Variants in OTULIN observed in about 807,000 individuals in gnomAD.
The protein encoded by OTULIN is ubiquitin thioesterase otulin.
A neutral mutation model predicts 39.6 loss-of-function variants in OTULIN; 15 were observed. The observed-to-expected ratio is 0.38, with a 90% CI of 0.25 to 0.58. The LOEUF is 0.58. Ranked by LOEUF, OTULIN falls within the 20% of genes least tolerant of loss-of-function variation. The pLI, the probability that OTULIN is intolerant of heterozygous loss-of-function variation, is 0.66. For synonymous variants in OTULIN, 156 were observed against 170.3 expected, an observed-to-expected ratio of 0.92 and a Z score of 0.65; for missense variants, 319 against 445.9, an observed-to-expected ratio of 0.72 and a Z score of 2.56.
chr5:14,684,080 T>A (rs1475325873), intron 4 of OTULIN, among the ~76,000 whole-genome samples: 1 of 152,236 alleles, frequency 6.6e-6, no homozygotes, highest in Non-Finnish European at 1.5e-5. Context: ...TCTTTCCTTT[T>A]CTATGTGTAT....
rs1736701323 is a variant in OTULIN at position 14,697,514 on chromosome 5, A to G, written c.*4466A>G. Reference sequence around the variant, plus strand: ...TTTTTTTCAGGTTATATTGAAATCTACTACCAGGAATGTCGGAATGGGTTT... The same window carrying G: ...TTTTTTTCAGGTTATATTGAAATCTGCTACCAGGAATGTCGGAATGGGTTT... On this transcript the variant is annotated 3_prime_UTR_variant, in exon 7 of 7. Transcript: ENST00000284274. 6.6e-6 allele frequency: 1 copy of G among 152,132 alleles called. No individual in the cohort carries two copies. Among genetic ancestry groups the G allele is most frequent in the South Asian group, 2.1e-4 (1 of 4,824 alleles). The allele number at this position is 152,132 out of a possible 1,614,324, so 9.4% of individuals were successfully genotyped here. A position where few individuals can be genotyped will look rare whatever the true frequency, so the allele number is the denominator to read the frequency against.
At position 14,696,732 on chromosome 5, in the gene OTULIN, T is replaced by G. The variant is rs1468148808; in HGVS notation, c.*3684T>G. On this transcript the variant is annotated 3_prime_UTR_variant, in exon 7 of 7. Coordinates refer to ENST00000284274, the MANE Select transcript of OTULIN (RefSeq NM_138348.6). Reference sequence around the variant, plus strand: ...GTGTATACAGTTTACAAATTCCTATTTCTAAAATTTAAGTCCCTTATTTAA... The same window carrying G: ...GTGTATACAGTTTACAAATTCCTATGTCTAAAATTTAAGTCCCTTATTTAA... The G allele has an allele frequency of 6.6e-6, 1 of 151,716 alleles. No homozygotes were observed. The highest frequency in any genetic ancestry group is 1.5e-5 in the Non-Finnish European group (1 of 68,026). The allele number at this position is 151,716 out of a possible 1,614,324, so 9.4% of individuals were successfully genotyped here. A position where few individuals can be genotyped will look rare whatever the true frequency, so the allele number is the denominator to read the frequency against.
downstream of OTULIN, among the ~76,000 whole-genome samples, chr5:14,702,634 G>A (rs527518816): frequency 1.3e-5 from 2 of 152,300 alleles, no homozygotes; most frequent in South Asian, 2.1e-4. Flanking sequence ...CAGACCACAC[G>A]TGAATTGCAA....
At chr5:14,701,416 G>A (rs989692221), downstream of OTULIN, among the ~76,000 whole-genome samples, 2 of 152,084 alleles carry the variant, frequency 1.3e-5, no homozygotes, top group African/African-American at 4.8e-5. Context: ...TGGACCCCCT[G>A]CCCTGTCAAA....
chr5:14,715,155 G>A, the OTULIN span, among the ~76,000 whole-genome samples: 3,728 of 152,182 alleles, frequency 0.024, 136 homozygotes, highest in African/African-American at 0.085. Flanking sequence ...TTTTGAGACG[G>A]AGTTTCACTC....
At chr5:14,680,856 C>G (rs1452386300) in intron 3 of OTULIN, among the ~76,000 whole-genome samples, 1 of 152,124 alleles carries the variant, frequency 6.6e-6, no homozygotes, top group East Asian at 1.9e-4. Context: ...GTCAGGAGTT[C>G]AAGACCAGCC....
At chr5:14,711,310 T>C in the OTULIN span, 1 of 1,613,376 alleles carries the variant, frequency 6.2e-7, no homozygotes, top group Non-Finnish European at 8.5e-7. Context: ...ATCTTCTTTT[T>C]CTAGACCAAA....
rs1206548903 is a variant in OTULIN, at chr5:14,696,281, G to T, written c.*3233G>T. The T allele has an allele frequency of 2.0e-5, 3 of 152,186 alleles. No homozygotes were observed. In the East Asian group the frequency reaches 5.8e-4, roughly 29 times the overall value. 9.4% of individuals were successfully genotyped at this position (152,186 alleles called of 1,614,324 possible). Reference sequence around the variant, plus strand: ...TACATAGGACTTACATAGACTTCCTGAATGTGTCTTCTTCAGATACTAAAG... The same window carrying T: ...TACATAGGACTTACATAGACTTCCTTAATGTGTCTTCTTCAGATACTAAAG... On this transcript the variant is annotated 3_prime_UTR_variant, in exon 7 of 7. Coordinates refer to ENST00000284274, the MANE Select transcript of OTULIN (RefSeq NM_138348.6).
At chr5:14,702,271 G>A (rs1322427277), downstream of OTULIN, among the ~76,000 whole-genome samples, 1 of 152,176 alleles carries the variant, frequency 6.6e-6, no homozygotes, top group African/African-American at 2.4e-5. Context: ...AGAGTGTACA[G>A]GGATGGGCTG....
intron 6 of OTULIN, among the ~76,000 whole-genome samples, chr5:14,691,709 A>G (rs1052517581): frequency 3.3e-5 from 5 of 151,624 alleles, no homozygotes; most frequent in Non-Finnish European, 5.9e-5. Context: ...ATTTTAGAGC[A>G]TTTTGTCAAA....
At chr5:14,713,068 G>C in the OTULIN span, 1 of 1,199,548 alleles carries the variant, frequency 8.3e-7, no homozygotes, top group Admixed American at 2.0e-5. This position sits in a 1 kb window ranked among gnomAD's most constrained non-coding sequence, Gnocchi z 4.4. Context: ...GTAGCCTCGA[G>C]ACGGCTGAGA....
chr5:14,685,064 G>A (rs1428466340), intron 4 of OTULIN, among the ~76,000 whole-genome samples: 1 of 152,238 alleles, frequency 6.6e-6, no homozygotes, highest in Admixed American at 6.5e-5. Flanking sequence ...GCTCTCAAAT[G>A]TGGGACAACA....
chr5:14,713,004 T>G, the OTULIN span: 1 of 1,595,936 alleles, frequency 6.3e-7, no homozygotes. The surrounding 1 kb of genome is among the most constrained non-coding windows in gnomAD (Gnocchi z 4.4). Flanking sequence ...GCAATTTGTC[T>G]GTTAAGGCCA....
Position 14,687,566 on chromosome 5 carries a change from A to G in OTULIN, c.514A>G (p.Lys172Glu). The G allele has an allele frequency of 6.2e-7, 1 of 1,614,154 alleles. No individual in the cohort carries two copies. Among genetic ancestry groups the G allele is most frequent in the South Asian group, 1.1e-5 (1 of 91,084 alleles). ...ISKYNWIKQW[K>E]LGLKFDGKNE... ...CAAATACAACTGGATCAAGCAATGG[A>G]AACTTGGACTGAAATTTGATGGGAA... The change falls in exon 5 of 7, where the codon AAA becomes GAA. Residue 172 changes from lysine to glutamate, a missense_variant. Transcript: ENST00000284274.
At chr5:14,700,352 A>C (rs1237180679), downstream of OTULIN, among the ~76,000 whole-genome samples, 1 of 152,218 alleles carries the variant, frequency 6.6e-6, no homozygotes, top group African/African-American at 2.4e-5. Context: ...AGAGCATTGA[A>C]GACCAGAAGG....
intron 3 of OTULIN, among the ~76,000 whole-genome samples, chr5:14,679,052 TC>T (rs1368769681): frequency 6.6e-6 from 1 of 152,204 alleles, no homozygotes; most frequent in Non-Finnish European, 1.5e-5. Flanking sequence ...CTCTTGGTTG[TC>T]CTCTTGGGGC....
chr5:14,715,694 CATCCAT>C, the OTULIN span, among the ~76,000 whole-genome samples: 1 of 152,226 alleles, frequency 6.6e-6, no homozygotes, highest in Non-Finnish European at 1.5e-5. Context: ...GCAGTTAGCA[CATCCAT>C]ATGACGATAC....
downstream of OTULIN, among the ~76,000 whole-genome samples, chr5:14,702,612 C>T (rs145665536): frequency 3.6e-3 from 544 of 152,216 alleles, no homozygotes; most frequent in African/African-American, 0.01. Context: ...CATGAGGAAA[C>T]GCTTTTTACC....
At chr5:14,687,702 C>T in intron 5 of OTULIN, 56 bp downstream of exon 5, 6 of 1,510,820 alleles carry the variant, frequency 4.0e-6, no homozygotes, top group South Asian at 1.3e-5. Context: ...TCTTGCTTGC[C>T]CCAGAAGACC....
Sources: gnomAD v4.1 joint callset for allele counts (sites outside exome capture counted in the v4.1 genomes callset) on GRCh38, gnomAD v4.1.1 for gene constraint, Gnocchi (gnomAD v3.1) non-coding constraint, MANE v1.5 for transcripts, NCBI Gene and HGNC (gene_info 2026-07-23, HGNC 2026-07-21) for gene names.